DLG2: variants seen among roughly 807,000 people sequenced by gnomAD.
DLG2 encodes the protein discs large MAGUK scaffold protein 2.
Under a neutral mutation model 132.5 loss-of-function variants are expected in DLG2, and 45 were observed. The observed-to-expected ratio is 0.34, with a 90% confidence interval of 0.27 to 0.44. The LOEUF (loss-of-function observed/expected upper bound fraction) is 0.44, where lower values mean the gene tolerates loss of function less well. DLG2 is among the 20% of genes least tolerant of loss of function. The pLI is 1.00. For missense variants in DLG2, 1,045 were observed against 1,196.9 expected (o/e 0.87, Z 1.87); for synonymous variants, 424 against 419.6 (o/e 1.01, Z -0.13).
intron 11 of DLG2, among the ~76,000 whole-genome samples, chr11:84,054,739 G>A (rs765200581): frequency 2.6e-5 from 4 of 151,940 alleles, no homozygotes; most frequent in South Asian, 2.1e-4. Flanking sequence ...TACAGAGTAC[G>A]AAATTGAAAA....
intron 7 of DLG2, among the ~76,000 whole-genome samples, chr11:84,502,298 CTT>C (rs1590984476): frequency 4.0e-4 from 1 of 2,478 alleles, no homozygotes; most frequent in East Asian, 6.3e-3. Flanking sequence ...TTCTTTCTTT[CTT>C]TCTTTCTTTC....
chr11:85,534,238 G>A (rs2075417111), intron 3 of DLG2, among the ~76,000 whole-genome samples: 1 of 152,004 alleles, frequency 6.6e-6, no homozygotes, highest in African/African-American at 2.4e-5. Flanking sequence ...TGTGAAAGGT[G>A]CGCCTGGTCT....
At chr11:83,707,521 A>G (rs976164041) in intron 18 of DLG2, among the ~76,000 whole-genome samples, 1 of 152,106 alleles carries the variant, frequency 6.6e-6, no homozygotes, top group Non-Finnish European at 1.5e-5. Flanking sequence ...AATACAAAAA[A>G]TTAGTGGGGC....
At chr11:84,386,898 A>G (rs1174455043) in intron 7 of DLG2, among the ~76,000 whole-genome samples, 1 of 151,990 alleles carries the variant, frequency 6.6e-6, no homozygotes. Flanking sequence ...TTCCTACGCT[A>G]TTTGCCTTTA....
chr11:84,035,085 G>C (rs2095825654), intron 11 of DLG2, among the ~76,000 whole-genome samples: 1 of 151,962 alleles, frequency 6.6e-6, no homozygotes, highest in Non-Finnish European at 1.5e-5. Context: ...ACGTTACAAA[G>C]CCTCATCCTC....
intron 7 of DLG2, chr11:84,437,337 C>A (rs1163808377): frequency 3.9e-5 from 6 of 152,220 alleles, no homozygotes; most frequent in Non-Finnish European, 7.3e-5. Flanking sequence ...TGGTCCAGAG[C>A]AGGCAGTTGG....
At chr11:83,882,289 A>T (rs371465296) in intron 15 of DLG2, among the ~76,000 whole-genome samples, 1 of 152,088 alleles carries the variant, frequency 6.6e-6, no homozygotes, top group South Asian at 2.1e-4. Flanking sequence ...GAAGGAACAC[A>T]ATATGTTAAC....
At chr11:84,007,336 T>C (rs2094618998) in intron 11 of DLG2, among the ~76,000 whole-genome samples, 1 of 151,702 alleles carries the variant, frequency 6.6e-6, no homozygotes, top group African/African-American at 2.4e-5. Context: ...CATTATATTA[T>C]GTGACAAGTG....
chr11:84,351,746 C>A (rs2098574383), intron 7 of DLG2, among the ~76,000 whole-genome samples: 2 of 152,156 alleles, frequency 1.3e-5, no homozygotes, highest in South Asian at 2.1e-4. Flanking sequence ...GATTCCAATT[C>A]TTGGCATGAG....
intron 7 of DLG2, among the ~76,000 whole-genome samples, chr11:84,374,531 G>A (rs531040349): frequency 6.6e-6 from 1 of 152,170 alleles, no homozygotes; most frequent in African/African-American, 2.4e-5. Flanking sequence ...TGTATTTTAT[G>A]TGTGGCCCAA....
chr11:84,767,700 G>A (rs1049688248), intron 6 of DLG2, among the ~76,000 whole-genome samples: 1 of 151,832 alleles, frequency 6.6e-6, no homozygotes, highest in Admixed American at 6.6e-5. Context: ...ACACTCACAA[G>A]AGGTCCCCTA....
chr11:84,822,011 T>A (rs1267649777), intron 6 of DLG2, among the ~76,000 whole-genome samples: 1 of 151,868 alleles, frequency 6.6e-6, no homozygotes, highest in East Asian at 1.9e-4. Flanking sequence ...TTTGATTAGA[T>A]GTGCTACATA....
At chr11:85,484,190 C>A (rs989663233) in intron 3 of DLG2, among the ~76,000 whole-genome samples, 3 of 151,626 alleles carry the variant, frequency 2.0e-5, no homozygotes, top group Admixed American at 2.0e-4. Flanking sequence ...GGTGGCGGAT[C>A]TTTCCCGCCC....
chr11:84,411,950 T>C (rs577911668), intron 7 of DLG2, among the ~76,000 whole-genome samples: 2 of 151,600 alleles, frequency 1.3e-5, no homozygotes, highest in South Asian at 4.2e-4. Context: ...TTGTGCCAAA[T>C]ACTATGTACT....
chr11:84,816,926 T>C (rs2077143711), intron 6 of DLG2, among the ~76,000 whole-genome samples: 1 of 152,064 alleles, frequency 6.6e-6, no homozygotes, highest in African/African-American at 2.4e-5. Context: ...TGCCAAGTCA[T>C]CTAACCTTCC....
chr11:84,070,534 A>G (rs1302805358), intron 10 of DLG2, among the ~76,000 whole-genome samples: 3 of 152,212 alleles, frequency 2.0e-5, no homozygotes, highest in African/African-American at 7.2e-5. Context: ...TTGATTTCCT[A>G]TTTTCCTCTA....
chr11:83,754,618 G>A (rs2093574276), intron 18 of DLG2, among the ~76,000 whole-genome samples: 1 of 151,344 alleles, frequency 6.6e-6, no homozygotes, highest in African/African-American at 2.5e-5. Context: ...TTTGGTGCCT[G>A]CCTTTCTGGC....
intron 7 of DLG2, among the ~76,000 whole-genome samples, chr11:84,533,989 A>G (rs2099349481): frequency 6.6e-6 from 1 of 150,830 alleles, no homozygotes; most frequent in South Asian, 2.1e-4. Context: ...TTCTCATTTA[A>G]TTATACCTTC....
chr11:83,724,157 T>C (rs2089425440), intron 18 of DLG2, among the ~76,000 whole-genome samples: 1 of 152,174 alleles, frequency 6.6e-6, no homozygotes, highest in South Asian at 2.1e-4. Context: ...CACCAGAACG[T>C]ACTACCCATT....
Sources: allele counts gnomAD v4.1 joint callset (sites outside exome capture counted in the v4.1 genomes callset), GRCh38; gene constraint gnomAD v4.1.1; transcripts MANE v1.5; gene names NCBI Gene and HGNC (gene_info 2026-07-23, HGNC 2026-07-21).